PDS5B: variants seen among roughly 807,000 people sequenced by gnomAD.
PDS5B encodes the protein sister chromatid cohesion protein PDS5 homolog B.
PDS5B carries 51 observed loss-of-function variants against 184.1 expected under a neutral mutation model. The observed-to-expected ratio is 0.28, with a 90% CI of 0.22 to 0.35. The LOEUF (loss-of-function observed/expected upper bound fraction) is 0.35. Among genes scored for constraint, PDS5B ranks in the 10% least tolerant of loss-of-function variants. The probability of loss-of-function intolerance (pLI) is 1.00; values close to 1 mark genes in which losing one functional copy is unlikely to be tolerated. For missense variants in PDS5B, 1,180 were observed against 1,723.3 expected, an observed-to-expected ratio of 0.68 and a Z score of 5.58; for synonymous variants, 566 against 569.2, an observed-to-expected ratio of 0.99 and a Z score of 0.08.
chr13:32,670,245 C>G (rs530084578), intron 7 of PDS5B, among the ~76,000 whole-genome samples: 1 of 152,034 alleles, frequency 6.6e-6, no homozygotes, highest in South Asian at 2.1e-4. Flanking sequence ...GAGACAGAGT[C>G]TTGCTCTGTC....
At chr13:32,705,304 G>A (rs997339884) in intron 17 of PDS5B, among the ~76,000 whole-genome samples, 1 of 152,114 alleles carries the variant, frequency 6.6e-6, no homozygotes, top group Non-Finnish European at 1.5e-5. Context: ...AAATCTTGGG[G>A]CTACTGAAAA....
intron 1 of PDS5B, among the ~76,000 whole-genome samples, chr13:32,619,230 TAG>T (rs1321450171): frequency 3.3e-5 from 5 of 152,178 alleles, no homozygotes; most frequent in Non-Finnish European, 5.9e-5. Flanking sequence ...ATAGACATAG[TAG>T]AGTTACATGT....
chr13:32,628,679 A>G (rs1397909094), intron 1 of PDS5B, among the ~76,000 whole-genome samples: 2 of 152,180 alleles, frequency 1.3e-5, no homozygotes, highest in Admixed American at 1.3e-4. Context: ...ATTTTACCAA[A>G]TATACTATTA....
intron 1 of PDS5B, among the ~76,000 whole-genome samples, chr13:32,646,996 T>C (rs1950244663): frequency 1.3e-5 from 2 of 152,220 alleles, no homozygotes; most frequent in African/African-American, 4.8e-5. Flanking sequence ...TTCAAGGTAC[T>C]GTGTGTGCTC....
chr13:32,675,996 T>G (rs1413243878), intron 9 of PDS5B, 37 bp downstream of exon 9: 1 of 1,162,796 alleles, frequency 8.6e-7, no homozygotes, highest in Non-Finnish European at 1.3e-6. Flanking sequence ...AAGTAATACA[T>G]TATTCTACTG....
chr13:32,632,362 A>G (rs1471623315), intron 1 of PDS5B, among the ~76,000 whole-genome samples: 1 of 152,228 alleles, frequency 6.6e-6, no homozygotes, highest in Non-Finnish European at 1.5e-5. Context: ...ATGATCTTGA[A>G]TAGACATTTT....
At position 32,602,545 on chromosome 13, in the gene PDS5B, C is replaced by T. The variant is rs538695795; in HGVS notation, c.-20+15952C>T. Among the ~76,000 whole-genome samples the T allele has an allele frequency of 3.1e-4, 47 of 152,112 alleles. No homozygotes were observed. In the East Asian group the frequency reaches 6.0e-3, roughly 19 times the overall value. Reference sequence around the variant, plus strand: ...TAAGTGTTTGTATTGTGAATAGTGCCGCAATAAACATACATGTGCATGTGT... The same window carrying T: ...TAAGTGTTTGTATTGTGAATAGTGCTGCAATAAACATACATGTGCATGTGT... On this transcript the variant is annotated intron_variant, in intron 1 of 34. Coordinates refer to ENST00000315596, the MANE Select transcript of PDS5B (RefSeq NM_015032.4).
chr13:32,732,892 T>C lies in PDS5B; in HGVS notation c.2247+668T>C, dbSNP rs546641821. 4.6e-4 allele frequency among the ~76,000 whole-genome samples: 70 copies of C among 152,242 alleles called. 3 individuals carry two copies. In the South Asian group the frequency reaches 0.013, roughly 29 times the overall value. On this transcript the variant is annotated intron_variant, in intron 20 of 34. Transcript: ENST00000315596. ...TAGAGTCAAAACAATTTAGAAATTATTCTGATGCTCCTTGACATAAGTACT... is the reference window on the plus strand; with the variant it reads ...TAGAGTCAAAACAATTTAGAAATTACTCTGATGCTCCTTGACATAAGTACT...
At chr13:32,768,304 A>G (rs1954649056) in intron 31 of PDS5B, among the ~76,000 whole-genome samples, 1 of 152,152 alleles carries the variant, frequency 6.6e-6, no homozygotes, top group Non-Finnish European at 1.5e-5. Flanking sequence ...GAGGAAGAAG[A>G]AAGGCACCCA....
intron 1 of PDS5B, among the ~76,000 whole-genome samples, chr13:32,628,513 A>G (rs1325609796): frequency 2.0e-5 from 3 of 150,416 alleles, no homozygotes; most frequent in Non-Finnish European, 4.4e-5. Context: ...GTGCCACTGC[A>G]CTCCAGTCTG....
chr13:32,658,441 C>A lies in PDS5B; in HGVS notation c.407C>A (p.Ala136Asp). Reference sequence around the variant, plus strand: ...TTTACACCTTATTTTTAGAACATTGCTTGGGTCAAGTCATATAACATATGC... The same window carrying A: ...TTTACACCTTATTTTTAGAACATTGATTGGGTCAAGTCATATAACATATGC... ...NRYFYLLENI[A>D]WVKSYNICFE... is the part of the protein sequence containing the mutation. Residue 136 changes from alanine to aspartate, a missense_variant, in exon 5 of 35, where the codon GCT becomes GAT. By Grantham distance (126) the Ala-to-Asp change is moderately radical. This residue lies in a region of PDS5B where 22 missense variants were observed against 46.8 expected (regional missense o/e 0.47). Transcript: ENST00000315596. 6.4e-7 allele frequency: 1 copy of A among 1,570,772 alleles called. No individual in the cohort carries two copies. The highest frequency in any genetic ancestry group is 8.7e-7 in the Non-Finnish European group (1 of 1,149,018).
intron 25 of PDS5B, among the ~76,000 whole-genome samples, chr13:32,754,713 ATATAAT>A (rs1954112364): frequency 6.6e-6 from 1 of 152,134 alleles, no homozygotes; most frequent in South Asian, 2.1e-4. Flanking sequence ...TGCAAAATTG[ATATAAT>A]TATACTGATT....
At chr13:32,742,521 A>T (rs992780605) in intron 22 of PDS5B, 70 bp from the exon 23 acceptor site, 50 of 1,329,282 alleles carry the variant, frequency 3.8e-5, no homozygotes, top group Middle Eastern at 4.8e-4. Context: ...TTTTATTTTT[A>T]AAAAAAGTTG....
chr13:32,687,812 T>C (rs1951438799), intron 12 of PDS5B, among the ~76,000 whole-genome samples: 1 of 152,194 alleles, frequency 6.6e-6, no homozygotes, highest in Non-Finnish European at 1.5e-5. Flanking sequence ...GCTTATAGTC[T>C]GAAATGATTT....
At chr13:32,730,251 G>A (rs898862394) in intron 19 of PDS5B, among the ~76,000 whole-genome samples, 1 of 152,122 alleles carries the variant, frequency 6.6e-6, no homozygotes, top group Non-Finnish European at 1.5e-5. Flanking sequence ...AGATCAGATG[G>A]TTGTAGATGT....
At chr13:32,773,653 G>A (rs1196435161) in intron 34 of PDS5B, among the ~76,000 whole-genome samples, 4 of 152,058 alleles carry the variant, frequency 2.6e-5, no homozygotes, top group South Asian at 2.1e-4. Context: ...ACAACTCTCC[G>A]TTTGGTATTT....
chr13:32,669,036 C>T (rs1448370213), intron 7 of PDS5B, among the ~76,000 whole-genome samples: 2 of 152,138 alleles, frequency 1.3e-5, no homozygotes, highest in African/African-American at 2.4e-5. Flanking sequence ...AGGGAACTTC[C>T]AATACTGGTT....
chr13:32,682,829 T>G (rs1232773581), intron 10 of PDS5B, among the ~76,000 whole-genome samples: 1 of 152,184 alleles, frequency 6.6e-6, no homozygotes, highest in Non-Finnish European at 1.5e-5. Context: ...TTCAACTATT[T>G]TAAATGTTTT....
chr13:32,722,093 G>A (rs55670913), intron 19 of PDS5B, among the ~76,000 whole-genome samples: 48,599 of 152,210 alleles, frequency 0.32, 9,426 homozygotes, highest in Non-Finnish European at 0.44. Flanking sequence ...GCAAGACTCC[G>A]TCTGCAATCC....
Sources: allele counts gnomAD v4.1 joint callset (sites outside exome capture counted in the v4.1 genomes callset), GRCh38; gene constraint gnomAD v4.1.1; regional missense constraint gnomAD v4.1.1; transcripts MANE v1.5; gene names NCBI Gene and HGNC (gene_info 2026-07-23, HGNC 2026-07-21).